The following KDM2B variants were observed in gnomAD, a reference collection of about 807,000 sequenced individuals.
KDM2B encodes the protein lysine demethylase 2B.
KDM2B carries 26 observed loss-of-function variants against 150.0 expected under a neutral mutation model. The ratio of observed to expected loss-of-function variants is 0.17; its 90% CI spans 0.13 to 0.24. KDM2B has a LOEUF of 0.24. Ranked by LOEUF, KDM2B falls within the 10% of genes least tolerant of loss-of-function variation. The probability of loss-of-function intolerance (pLI) is 1.00; values close to 1 mark genes in which losing one functional copy is unlikely to be tolerated. For missense variants in KDM2B, 1,265 were observed against 1,816.9 expected (o/e 0.70, Z 5.52); for synonymous variants, 734 against 729.5 (o/e 1.01, Z -0.10).
intron 11 of KDM2B, among the ~76,000 whole-genome samples, chr12:121,497,396 C>A (rs2140432785): frequency 6.6e-6 from 1 of 152,194 alleles, no homozygotes; most frequent in South Asian, 2.1e-4. Flanking sequence ...CCTCTGCCTC[C>A]CAGGTTCAAG....
chr12:121,544,042 G>A (rs1341266738), intron 6 of KDM2B, among the ~76,000 whole-genome samples: 3 of 149,412 alleles, frequency 2.0e-5, no homozygotes, highest in African/African-American at 5.0e-5. Context: ...TTGAGCCTGG[G>A]AGGAGGAAGT....
intron 12 of KDM2B, among the ~76,000 whole-genome samples, chr12:121,454,235 G>A (rs1294328643): frequency 6.6e-6 from 1 of 152,154 alleles, no homozygotes; most frequent in East Asian, 1.9e-4. Context: ...GTGCACCACT[G>A]CACCTCTCTA....
rs782138294 is a variant in KDM2B at position 121,442,844 on chromosome 12, C to T, written c.2605-8G>A. The stretch of plus-strand genomic sequence containing the variant: ...GTTCTTCCAGGACCGCCGCTGAGGG[C>T]GAGAGCGGAGACGCGTCAGCCTCTG... On this transcript the variant is annotated splice_region_variant and splice_polypyrimidine_tract_variant and intron_variant, in intron 18 of 22. Coordinates refer to ENST00000377071, the MANE Select transcript of KDM2B (RefSeq NM_032590.5). This position sits in a 1 kb window ranked among gnomAD's most constrained non-coding sequence, Gnocchi z 7.7. The T allele has an allele frequency of 2.0e-6, 3 of 1,517,890 alleles. No homozygotes were observed. The highest frequency in any genetic ancestry group is 1.3e-5 in the South Asian group (1 of 75,136). 94.0% of individuals were successfully genotyped at this position (1,517,890 alleles called of 1,614,324 possible).
chr12:121,438,855 T>G (rs1194314238), intron 22 of KDM2B, among the ~76,000 whole-genome samples: 1 of 151,980 alleles, frequency 6.6e-6, no homozygotes, highest in African/African-American at 2.4e-5. Flanking sequence ...ACCTGTAGTT[T>G]CTTTTTCTCT....
Position 121,442,391 on chromosome 12 carries a change from C to T in KDM2B, c.3050G>A (p.Arg1017His), listed in dbSNP as rs782304760. ...CCGGGAGATGACACGGGGCGGGCTG[C>T]GCAGGCTGGGCCCCAGCTGGTGCCG... is the stretch of plus-strand genomic sequence containing the variant. ...ELRHQLGPSL[R>H]SPPRVISRPP... The change falls in exon 19 of 23, where the codon CGC (arginine) becomes CAC (histidine). Residue 1017 changes from arginine (R) to histidine (H), a missense_variant. By Grantham distance (29) the Arg-to-His change is conservative (BLOSUM62 0). Transcript: ENST00000377071. This position sits in a 1 kb window ranked among gnomAD's most constrained non-coding sequence, Gnocchi z 7.7. The T allele has an allele frequency of 3.0e-5, 48 of 1,593,032 alleles. No homozygotes were observed. In the Middle Eastern group the frequency reaches 1.1e-3, roughly 36 times the overall value.
chr12:121,553,004 G>A (rs996929580), intron 4 of KDM2B, among the ~76,000 whole-genome samples: 3 of 152,022 alleles, frequency 2.0e-5, no homozygotes, highest in Non-Finnish European at 2.9e-5. Context: ...AGGCTGAGGC[G>A]GGCAGATCAT....
intron 12 of KDM2B, among the ~76,000 whole-genome samples, chr12:121,460,142 TCCA>T (rs1395680130): frequency 6.6e-6 from 1 of 152,188 alleles, no homozygotes; most frequent in Non-Finnish European, 1.5e-5. Context: ...AATTCACAAA[TCCA>T]CCAACCCAAG....
chr12:121,457,910 A>G (rs1555293140), intron 12 of KDM2B, among the ~76,000 whole-genome samples: 1 of 152,210 alleles, frequency 6.6e-6, no homozygotes, highest in African/African-American at 2.4e-5. Flanking sequence ...ATTATCCACC[A>G]GAAAATGCAT....
chr12:121,424,747 G>A (rs999254719), downstream of KDM2B, among the ~76,000 whole-genome samples: 1 of 151,668 alleles, frequency 6.6e-6, no homozygotes, highest in Non-Finnish European at 1.5e-5. Flanking sequence ...AAAAAACAAT[G>A]CCACATGAGC....
chr12:121,528,047 G>T (rs1354977103), intron 8 of KDM2B, among the ~76,000 whole-genome samples: 1 of 152,156 alleles, frequency 6.6e-6, no homozygotes, highest in Non-Finnish European at 1.5e-5. Flanking sequence ...GCTAACACCT[G>T]GTGACCCCTA....
intron 6 of KDM2B, chr12:121,536,004 T>G (rs1160621887): frequency 1.0e-6 from 1 of 974,308 alleles, no homozygotes; most frequent in Non-Finnish European, 1.2e-6. Context: ...CCGCAACACA[T>G]GCTTACCCCA....
chr12:121,467,116 G>A lies in KDM2B; in HGVS notation c.1735-13772C>T. The A allele has an allele frequency of 8.2e-6, 9 of 1,092,536 alleles. No homozygotes were observed. Among genetic ancestry groups the A allele is most frequent in the South Asian group, 1.7e-5 (1 of 57,432 alleles). 67.7% of individuals were successfully genotyped at this position (1,092,536 alleles called of 1,614,324 possible). A position where few individuals can be genotyped will look rare whatever the true frequency, so the allele number is the denominator to read the frequency against. On this transcript the variant is annotated intron_variant, in intron 12 of 22. Coordinates refer to ENST00000377071, the MANE Select transcript of KDM2B (RefSeq NM_032590.5). This position sits in a 1 kb window ranked among gnomAD's most constrained non-coding sequence, Gnocchi z 5.1. ...GCGTCAGACAGGCGGTCGGGAGGTC[G>A]TGCGGCGGGTCCCTCCCTCAGCCCC...
chr12:121,447,145 A>G (rs1005733855), intron 13 of KDM2B, among the ~76,000 whole-genome samples: 2 of 152,244 alleles, frequency 1.3e-5, no homozygotes, highest in Non-Finnish European at 2.9e-5. Context: ...TTTTCCAAGT[A>G]GTATATATCT....
chr12:121,563,026 T>C (rs1890452849), intron 4 of KDM2B, among the ~76,000 whole-genome samples: 1 of 152,072 alleles, frequency 6.6e-6, no homozygotes, highest in African/African-American at 2.4e-5. Flanking sequence ...GATAAAGACA[T>C]AATATGTGGG....
intron 22 of KDM2B, among the ~76,000 whole-genome samples, chr12:121,434,500 C>CAA (rs1166374523): frequency 9.3e-4 from 58 of 62,238 alleles, no homozygotes; most frequent in Middle Eastern, 8.1e-3. Context: ...GACTCTCTAT[C>CAA]AAAAAAAAAA....
intron 12 of KDM2B, among the ~76,000 whole-genome samples, chr12:121,491,683 A>C (rs1331370638): frequency 1.3e-5 from 2 of 150,952 alleles, no homozygotes; most frequent in Non-Finnish European, 2.9e-5. Context: ...AATCCCAGCT[A>C]TTCGGGAGGC....
chr12:121,527,653 CAAAAAAAAAAA>C (rs58304715), intron 8 of KDM2B, among the ~76,000 whole-genome samples: 2 of 58,574 alleles, frequency 3.4e-5, no homozygotes, highest in East Asian at 4.9e-4. Context: ...GACTCCGTCT[CAAAAAAAAAAA>C]AAAAAAAAAA....
rs925084570 is a variant in KDM2B at position 121,581,007 on chromosome 12, T to G, written c.-96A>C. Reference sequence around the variant, plus strand: ...TTTAAACTCCCGGCACTCAAAGATGTGGACACACACACGTACAGGAAATAC... The same window carrying G: ...TTTAAACTCCCGGCACTCAAAGATGGGGACACACACACGTACAGGAAATAC... On this transcript the variant is annotated 5_prime_UTR_variant, in exon 1 of 23. Transcript: ENST00000377071. 1 of 1,498,026 alleles carries G rather than the reference T, an allele frequency of 6.7e-7. No homozygotes were observed. The highest frequency in any genetic ancestry group is 2.0e-5 in the Admixed American group (1 of 50,076). 92.8% of individuals were successfully genotyped at this position (1,498,026 alleles called of 1,614,324 possible). A position where few individuals can be genotyped will look rare whatever the true frequency, so the allele number is the denominator to read the frequency against.
chr12:121,488,185 C>T (rs1263023495), intron 12 of KDM2B, among the ~76,000 whole-genome samples: 2 of 152,192 alleles, frequency 1.3e-5, no homozygotes, highest in African/African-American at 2.4e-5. Context: ...CATTCAGGTC[C>T]TTGCTTGAGA....
Sources: allele counts gnomAD v4.1 joint callset (sites outside exome capture counted in the v4.1 genomes callset), GRCh38; gene constraint gnomAD v4.1.1; non-coding constraint Gnocchi (gnomAD v3.1); transcripts MANE v1.5; gene names NCBI Gene and HGNC (gene_info 2026-07-23, HGNC 2026-07-21).